Variants in APP observed in about 807,000 individuals in gnomAD.
APP encodes the protein amyloid beta precursor protein, also known as amyloid-beta precursor protein.
A neutral mutation model predicts 101.4 loss-of-function variants in APP; 31 were observed. The observed-to-expected ratio is 0.31, with a 90% CI of 0.23 to 0.41. APP has a LOEUF of 0.41. Among genes scored for constraint, APP ranks in the 10% least tolerant of loss-of-function variants. The pLI is 1.00. For missense variants in APP, 839 were observed against 1,003.7 expected, an observed-to-expected ratio of 0.84 and a Z score of 2.22; for synonymous variants, 366 against 364.4, an observed-to-expected ratio of 1.00 and a Z score of -0.05.
intron 14 of APP, among the ~76,000 whole-genome samples, chr21:25,905,621 G>A (rs145130637): frequency 6.6e-6 from 1 of 152,176 alleles, no homozygotes; most frequent in African/African-American, 2.4e-5. Context: ...CTTAGTATGA[G>A]GGCAGAAGAG....
chr21:26,049,309 C>G (rs936153552), intron 5 of APP, among the ~76,000 whole-genome samples: 8 of 152,096 alleles, frequency 5.3e-5, no homozygotes, highest in Admixed American at 6.5e-5. Flanking sequence ...TGCTGAAGTA[C>G]AGGAGAAAAT....
At chr21:25,939,013 C>A (rs559351331) in intron 13 of APP, among the ~76,000 whole-genome samples, 35 of 152,304 alleles carry the variant, frequency 2.3e-4, no homozygotes, top group Non-Finnish European at 4.3e-4. Context: ...CTGATTTTTG[C>A]ACCCCAGGTA....
At chr21:26,152,392 C>T (rs1354138843) in intron 1 of APP, among the ~76,000 whole-genome samples, 1 of 151,486 alleles carries the variant, frequency 6.6e-6, no homozygotes, top group African/African-American at 2.4e-5. Flanking sequence ...AAGTCCACAA[C>T]TACATAGCTC....
chr21:26,134,672 T>C (rs1485057572), intron 1 of APP, among the ~76,000 whole-genome samples: 3 of 152,208 alleles, frequency 2.0e-5, no homozygotes, highest in South Asian at 2.1e-4. Context: ...GTAGGTATCA[T>C]TGATCATTAG....
At chr21:26,012,720 A>AT (rs5843197) in intron 6 of APP, among the ~76,000 whole-genome samples, 152,327 of 152,328 alleles carry the variant, frequency 1, 76,163 homozygotes, top group Non-Finnish European at 1. Flanking sequence ...CAAACCAGTA[A>AT]CCCAGCACTT....
rs373981310 is a variant in APP, at chr21:26,089,935, C to T, written c.355+8G>A. On this transcript the variant is annotated splice_region_variant and intron_variant, in intron 3 of 17. Transcript: ENST00000346798. The stretch of plus-strand genomic sequence containing the variant: ...AATCAACACCAGCCCCACGGCCGGC[C>T]GGCTCACCTAAGCAGCGGTAGGGAA... 42 of 1,613,926 alleles carry T rather than the reference C, an allele frequency of 2.6e-5. No homozygotes were observed. The highest frequency in any genetic ancestry group is 4.0e-5 in the African/African-American group (3 of 75,030).
intron 3 of APP, among the ~76,000 whole-genome samples, chr21:26,085,521 A>C (rs899284253): frequency 2.6e-5 from 4 of 152,196 alleles, no homozygotes; most frequent in Non-Finnish European, 4.4e-5. Context: ...ACTGGATTAC[A>C]TACGGGGATT....
chr21:25,981,193 T>A (rs746193981), intron 9 of APP, among the ~76,000 whole-genome samples: 19 of 152,174 alleles, frequency 1.2e-4, no homozygotes, highest in Middle Eastern at 3.2e-3. Context: ...GGGACCCAGA[T>A]CAGAAATTAC....
At chr21:26,011,027 G>A (rs533414481) in intron 6 of APP, among the ~76,000 whole-genome samples, 1 of 151,848 alleles carries the variant, frequency 6.6e-6, no homozygotes, top group South Asian at 2.1e-4. Context: ...CCGTCTTTGG[G>A]GGATGAGACA....
chr21:25,989,897 T>C (rs1394860272), intron 8 of APP, among the ~76,000 whole-genome samples: 1 of 149,634 alleles, frequency 6.7e-6, no homozygotes, highest in East Asian at 1.9e-4. Context: ...GCCATGCTTA[T>C]TATAACTTAA....
intron 17 of APP, among the ~76,000 whole-genome samples, chr21:25,885,345 G>A (rs1601261171): frequency 6.6e-6 from 1 of 152,222 alleles, no homozygotes; most frequent in South Asian, 2.1e-4. Flanking sequence ...GCCCTACCAC[G>A]ACCCTGTGCA....
chr21:25,975,945 A>G lies in APP; in HGVS notation c.1299+9T>C, dbSNP rs114675472. The G allele has an allele frequency of 2.2e-3, 3,609 of 1,612,114 alleles. 75 individuals are homozygous for G. The African/African-American group carries it at 0.041, about 18-fold the overall frequency. On this transcript the variant is annotated intron_variant, in intron 10 of 17. Transcript: ENST00000346798. ...GTGATGTTTGGTAGGAAATGGGTTC[A>G]GGTTTTACCTGGATAACTGCCTTCT...
rs145684299 is a variant in APP at position 25,902,277 on chromosome 21, G to C, written c.1963+2747C>G. Among the ~76,000 whole-genome samples the C allele has an allele frequency of 4.6e-5, 7 of 152,314 alleles. 1 individual carries two copies. The highest frequency in any genetic ancestry group is 4.6e-4 in the Admixed American group (7 of 15,300). On this transcript the variant is annotated intron_variant, in intron 15 of 17. Coordinates refer to ENST00000346798, the MANE Select transcript of APP (RefSeq NM_000484.4). ...TGACAATCTTGGGAAGGCTTTCTAA[G>C]TTTGGAAAGGCTAAAGATATAATTC... is the stretch of plus-strand genomic sequence containing the variant.
chr21:26,057,314 A>G (rs2046081038), intron 3 of APP, among the ~76,000 whole-genome samples: 1 of 152,234 alleles, frequency 6.6e-6, no homozygotes, highest in South Asian at 2.1e-4. Context: ...CATAATGAGA[A>G]ATCATGTTCC....
chr21:25,891,613 C>A, intron 17 of APP, 109 bp downstream of exon 17: 2 of 1,103,070 alleles, frequency 1.8e-6, no homozygotes, highest in Non-Finnish European at 1.4e-6. Flanking sequence ...TGGAAGCACA[C>A]TGATTCGTTT....
At chr21:26,139,358 T>C (rs966222785) in intron 1 of APP, among the ~76,000 whole-genome samples, 1 of 152,144 alleles carries the variant, frequency 6.6e-6, no homozygotes, top group African/African-American at 2.4e-5. Context: ...TTGTGAAGGA[T>C]AGAAAGGGTT....
At chr21:25,946,558 G>A (rs2040830533) in intron 13 of APP, among the ~76,000 whole-genome samples, 1 of 152,014 alleles carries the variant, frequency 6.6e-6, no homozygotes, top group South Asian at 2.1e-4. Context: ...CCCAACTACT[G>A]GGGAGGCTGA....
intron 5 of APP, among the ~76,000 whole-genome samples, chr21:26,043,869 A>AC (rs2045487019): frequency 4.0e-3 from 1 of 248 alleles, no homozygotes; most frequent in Non-Finnish European, 6.9e-3. Context: ...GAGAAAAAGA[A>AC]ATTTAATCGA....
intron 6 of APP, among the ~76,000 whole-genome samples, chr21:26,007,838 G>A (rs1053335863): frequency 1.2e-4 from 18 of 152,090 alleles, no homozygotes; most frequent in South Asian, 4.1e-4. Context: ...GCAAGCAGTC[G>A]TCAAAAAACA....
Sources: gnomAD v4.1 joint callset for allele counts (sites outside exome capture counted in the v4.1 genomes callset) on GRCh38, gnomAD v4.1.1 for gene constraint, MANE v1.5 for transcripts, NCBI Gene and HGNC (gene_info 2026-07-23, HGNC 2026-07-21) for gene names.